Variants in LRBA observed in about 807,000 individuals in gnomAD.
LRBA encodes the protein lipopolysaccharide-responsive and beige-like anchor protein.
In LRBA, 176 loss-of-function variants were observed where a neutral mutation model predicts 330.0. The ratio of observed to expected loss-of-function variants is 0.53; its 90% CI spans 0.47 to 0.60. The LOEUF is 0.60. LRBA is among the 20% of genes least tolerant of loss of function. The probability of loss-of-function intolerance (pLI) is 0.00; values close to 1 mark genes in which losing one functional copy is unlikely to be tolerated. For missense variants in LRBA, 3,259 were observed against 3,444.8 expected (o/e 0.95, Z 1.35); for synonymous variants, 1,230 against 1,193.0 (o/e 1.03, Z -0.64).
rs772032270 is a variant in LRBA at position 150,583,542 on chromosome 4, T to C, written c.6330+4506A>G. 5 of 1,613,856 alleles carry C rather than the reference T, an allele frequency of 3.1e-6. No individual in the cohort carries two copies. In the African/African-American group the frequency reaches 5.3e-5, roughly 17 times the overall value. ...GGGAGCGCTATGTGGTGCAAATCAC[T>C]CCGGCGTTCAAGTGCACCGGGATCT... is the stretch of plus-strand genomic sequence containing the variant. On this transcript the variant is annotated intron_variant, in intron 40 of 56. Coordinates refer to ENST00000651943, the MANE Select transcript of LRBA (RefSeq NM_001364905.1). The surrounding 1 kb of genome is among the most constrained non-coding windows in gnomAD (Gnocchi z 9.8).
chr4:150,477,236 G>A (rs1756813762), intron 42 of LRBA, among the ~76,000 whole-genome samples: 1 of 152,096 alleles, frequency 6.6e-6, no homozygotes, highest in South Asian at 2.1e-4. Flanking sequence ...CCATCCCTTG[G>A]TGATATGGTT....
At chr4:150,886,271 C>T (rs1296359010) in intron 17 of LRBA, among the ~76,000 whole-genome samples, 1 of 152,092 alleles carries the variant, frequency 6.6e-6, no homozygotes. Flanking sequence ...GTCAGAAGCT[C>T]GGGTGGCAAA....
At chr4:150,907,314 G>A (rs1205544810) in intron 11 of LRBA, among the ~76,000 whole-genome samples, 21 of 75,886 alleles carry the variant, frequency 2.8e-4, no homozygotes, top group Non-Finnish European at 4.2e-4. Context: ...GGGGAGAGGG[G>A]GAAGGGAGGG....
chr4:150,745,427 C>T (rs1416447697), intron 35 of LRBA, among the ~76,000 whole-genome samples: 1 of 32,988 alleles, frequency 3.0e-5, no homozygotes, highest in Non-Finnish European at 1.4e-4. Flanking sequence ...TGAAGATGAG[C>T]CTTAAAGGGC....
intron 40 of LRBA, among the ~76,000 whole-genome samples, chr4:150,534,999 G>A (rs1340688122): frequency 1.3e-5 from 2 of 152,076 alleles, no homozygotes; most frequent in Non-Finnish European, 2.9e-5. Context: ...CATAATTAAT[G>A]TTAAACAGCA....
chr4:150,620,040 G>A (rs967150821), intron 37 of LRBA, among the ~76,000 whole-genome samples: 1 of 151,992 alleles, frequency 6.6e-6, no homozygotes, highest in Admixed American at 6.6e-5. Flanking sequence ...TATGTAAAAA[G>A]AAATTTGCTA....
chr4:150,435,473 T>C (rs1750990821), intron 46 of LRBA, 116 bp downstream of exon 46: 2 of 893,942 alleles, frequency 2.2e-6, no homozygotes, highest in African/African-American at 1.7e-5. Context: ...TAAGGACTTA[T>C]CTTCTGAGAT....
At chr4:150,992,715 C>G (rs1742231773) in intron 2 of LRBA, among the ~76,000 whole-genome samples, 1 of 152,158 alleles carries the variant, frequency 6.6e-6, no homozygotes, top group South Asian at 2.1e-4. Context: ...GAAATTTCTG[C>G]AAAGAACAAG....
chr4:150,965,288 G>C (rs1359541909), intron 2 of LRBA, among the ~76,000 whole-genome samples: 2 of 152,104 alleles, frequency 1.3e-5, no homozygotes, highest in East Asian at 3.8e-4. Flanking sequence ...TACTTATATA[G>C]CTCTTTTAAA....
chr4:150,947,496 TA>T (rs2149536839), intron 2 of LRBA, among the ~76,000 whole-genome samples: 1 of 151,984 alleles, frequency 6.6e-6, no homozygotes, highest in South Asian at 2.1e-4. Context: ...CTATTGAGGA[TA>T]AAAACTCAGA....
chr4:150,580,573 A>T (rs899083558), intron 40 of LRBA: 1 of 152,208 alleles, frequency 6.6e-6, no homozygotes, highest in African/African-American at 2.4e-5. Context: ...GGACGCATAG[A>T]TTTTTATTTT....
At chr4:150,738,307 A>T (rs1042749441) in intron 35 of LRBA, among the ~76,000 whole-genome samples, 1 of 152,106 alleles carries the variant, frequency 6.6e-6, no homozygotes, top group African/African-American at 2.4e-5. Context: ...TGACAGACTT[A>T]TGACTAAAAA....
chr4:150,835,165 T>A (rs1747838478), intron 28 of LRBA, among the ~76,000 whole-genome samples: 1 of 152,166 alleles, frequency 6.6e-6, no homozygotes, highest in Non-Finnish European at 1.5e-5. Flanking sequence ...TTGGTCTATA[T>A]CTCTGTTTTC....
intron 47 of LRBA, among the ~76,000 whole-genome samples, chr4:150,355,490 AAGTT>A (rs985529132): frequency 6.6e-6 from 1 of 152,120 alleles, no homozygotes; most frequent in African/African-American, 2.4e-5. Context: ...TTTTTATAAA[AAGTT>A]AAATAAAAAG....
intron 2 of LRBA, among the ~76,000 whole-genome samples, chr4:150,947,360 A>T (rs1736355578): frequency 6.6e-6 from 1 of 151,996 alleles, no homozygotes; most frequent in African/African-American, 2.4e-5. Context: ...TATTCCAGGA[A>T]TGCAACACTG....
intron 2 of LRBA, among the ~76,000 whole-genome samples, chr4:150,964,577 T>G (rs895998307): frequency 1.3e-5 from 2 of 151,308 alleles, no homozygotes; most frequent in African/African-American, 4.9e-5. Context: ...GTTAAATGGA[T>G]TAAGGGCGGT....
intron 36 of LRBA, among the ~76,000 whole-genome samples, chr4:150,718,463 CA>C (rs145819521): frequency 0.089 from 13,055 of 147,392 alleles, 953 homozygotes; most frequent in African/African-American, 0.22. Flanking sequence ...TAAGCTGTCT[CA>C]AAAAAAAAAT....
At chr4:151,003,717 G>A (rs977188921) in intron 2 of LRBA, among the ~76,000 whole-genome samples, 5 of 151,968 alleles carry the variant, frequency 3.3e-5, no homozygotes, top group South Asian at 2.1e-4. Flanking sequence ...GCTTGAGCCC[G>A]GGAGGCTGGG....
At chr4:150,860,168 A>G (rs1751714357) in intron 22 of LRBA, among the ~76,000 whole-genome samples, 3 of 152,316 alleles carry the variant, frequency 2.0e-5, no homozygotes, top group Non-Finnish European at 2.9e-5. Flanking sequence ...ATGAAACAGA[A>G]AAGCCTTTTA....
Sources: allele counts gnomAD v4.1 joint callset (sites outside exome capture counted in the v4.1 genomes callset), GRCh38; gene constraint gnomAD v4.1.1; non-coding constraint Gnocchi (gnomAD v3.1); transcripts MANE v1.5; gene names NCBI Gene and HGNC (gene_info 2026-07-23, HGNC 2026-07-21).